The following PDZD2 variants were observed in gnomAD, a reference collection of about 807,000 sequenced individuals.
PDZD2 encodes PDZ domain containing 2, also known as PDZ domain-containing protein 2.
PDZD2 carries 90 observed loss-of-function variants against 220.7 expected under a neutral mutation model. That is an observed-to-expected ratio of 0.41 (90% CI 0.34 to 0.49). The LOEUF (loss-of-function observed/expected upper bound fraction) is 0.49. Ranked by LOEUF, PDZD2 falls within the 20% of genes least tolerant of loss-of-function variation. The pLI, the probability that PDZD2 is intolerant of heterozygous loss-of-function variation, is 0.28. For missense variants in PDZD2, 3,174 were observed against 3,608.5 expected, an observed-to-expected ratio of 0.88 and a Z score of 3.08; for synonymous variants, 1,375 against 1,450.5, an observed-to-expected ratio of 0.95 and a Z score of 1.18.
At chr5:31,708,417 G>A (rs1387347583) in intron 1 of PDZD2, among the ~76,000 whole-genome samples, 1 of 152,200 alleles carries the variant, frequency 6.6e-6, no homozygotes, top group African/African-American at 2.4e-5. Flanking sequence ...TTCTTTAGCT[G>A]TCTTCTGGGC....
chr5:31,829,569 G>A (rs924934477), intron 2 of PDZD2, among the ~76,000 whole-genome samples: 6 of 151,610 alleles, frequency 4.0e-5, no homozygotes, highest in African/African-American at 1.2e-4. Context: ...CACCCGCCTC[G>A]GCCTCCCAAA....
At chr5:32,035,352 C>T (rs1300663378) in intron 6 of PDZD2, among the ~76,000 whole-genome samples, 1 of 151,748 alleles carries the variant, frequency 6.6e-6, no homozygotes, top group Admixed American at 6.6e-5. Flanking sequence ...CCTGCGCCTC[C>T]CAGGTTCAAG....
Position 31,767,027 on chromosome 5 carries a change from CTTTTT to C in PDZD2, c.-360-31847_-360-31843del, listed in dbSNP as rs3032828. Among the ~76,000 whole-genome samples the C allele has an allele frequency of 8.0e-4, 75 of 94,296 alleles. 1 individual carries two copies. The highest frequency in any genetic ancestry group is 1.0e-3 in the Non-Finnish European group (53 of 52,340). The allele number at this position is 94,296 out of a possible 152,430, so 61.9% of individuals were successfully genotyped here. A position where few individuals can be genotyped will look rare whatever the true frequency, so the allele number is the denominator to read the frequency against. On this transcript the variant is annotated intron_variant, in intron 1 of 24. Coordinates refer to ENST00000438447, the MANE Select transcript of PDZD2 (RefSeq NM_178140.4). Reference sequence around the variant, plus strand: ...ACAGGTGTGAGCAACTGCACCCAGCCTTTTTTTTTTTTTTTTTTTGAGACAGAGTC... The same window carrying C: ...ACAGGTGTGAGCAACTGCACCCAGCCTTTTTTTTTTTTTTGAGACAGAGTC...
In PDZD2 at chr5:31,725,147, A is replaced by G. The variant is rs570034243; in HGVS notation, c.-360-73742A>G. Among the ~76,000 whole-genome samples the G allele has an allele frequency of 1.4e-4, 22 of 152,120 alleles. No individual in the cohort carries two copies. In the South Asian group the frequency reaches 1.7e-3, roughly 11 times the overall value. On this transcript the variant is annotated intron_variant, in intron 1 of 24. Coordinates refer to ENST00000438447, the MANE Select transcript of PDZD2 (RefSeq NM_178140.4). ...AGAGTTCGAGACCAGCCTGACCAAC[A>G]TGGAGAAACCCCATCTCTACTAAAA...
chr5:31,739,197 A>G (rs1350942147), intron 1 of PDZD2, among the ~76,000 whole-genome samples: 1 of 152,176 alleles, frequency 6.6e-6, no homozygotes, highest in Non-Finnish European at 1.5e-5. Context: ...AATATGCACA[A>G]TTTTAATGTA....
chr5:31,736,978 A>G (rs1239678217), intron 1 of PDZD2, among the ~76,000 whole-genome samples: 1 of 79,760 alleles, frequency 1.3e-5, no homozygotes, highest in East Asian at 8.0e-4. Context: ...GCCTCCCCAG[A>G]AGCAGATGCC....
At chr5:31,868,768 G>A (rs1310637348) in intron 2 of PDZD2, among the ~76,000 whole-genome samples, 2 of 152,080 alleles carry the variant, frequency 1.3e-5, no homozygotes, top group Non-Finnish European at 1.5e-5. Flanking sequence ...TGCGTTAAAG[G>A]TGAGTTTTTT....
chr5:32,091,888 G>A (rs1743189604), intron 20 of PDZD2, among the ~76,000 whole-genome samples: 1 of 152,154 alleles, frequency 6.6e-6, no homozygotes, highest in South Asian at 2.1e-4. Context: ...AACATGAGAG[G>A]GGCATGCAGA....
chr5:31,662,280 T>C (rs1199417961), intron 1 of PDZD2, among the ~76,000 whole-genome samples: 2 of 152,066 alleles, frequency 1.3e-5, no homozygotes, highest in African/African-American at 4.8e-5. Flanking sequence ...CATTGCACTC[T>C]AGCCTGGGCG....
chr5:32,101,575 C>T (rs1744261763), intron 24 of PDZD2, among the ~76,000 whole-genome samples: 1 of 152,208 alleles, frequency 6.6e-6, no homozygotes, highest in South Asian at 2.1e-4. Flanking sequence ...GTTCCTTACT[C>T]CGGGCCCCTC....
At chr5:31,757,105 A>C (rs115533750) in intron 1 of PDZD2, among the ~76,000 whole-genome samples, 1,913 of 152,130 alleles carry the variant, frequency 0.013, 37 homozygotes, top group African/African-American at 0.043. Flanking sequence ...GCAACATAGC[A>C]AGACCCTGTC....
In PDZD2 at chr5:32,000,299, G is replaced by A. The variant is rs1313302495; in HGVS notation, c.1254+28G>A. The A allele has an allele frequency of 7.4e-6, 12 of 1,612,964 alleles. No individual in the cohort carries two copies. The highest frequency in any genetic ancestry group is 6.7e-5 in the East Asian group (3 of 44,878). ...AGGTCGTGTTTGTTTTTTGGTACTC[G>A]TAATGGTGGCAGTGGTGAGTTGGGG... On this transcript the variant is annotated intron_variant, in intron 5 of 24. Transcript: ENST00000438447. The surrounding 1 kb of genome is among the most constrained non-coding windows in gnomAD (Gnocchi z 4.5).
chr5:31,757,970 T>C (rs1751399028), intron 1 of PDZD2, among the ~76,000 whole-genome samples: 2 of 152,246 alleles, frequency 1.3e-5, no homozygotes, highest in East Asian at 1.9e-4. Flanking sequence ...TTTATTGCAC[T>C]GTTAATTCCA....
At chr5:31,824,618 C>T (rs117492456) in intron 2 of PDZD2, among the ~76,000 whole-genome samples, 4 of 151,446 alleles carry the variant, frequency 2.6e-5, no homozygotes, top group African/African-American at 7.3e-5. Context: ...TGGGTGTTCA[C>T]GGCCGTGTGT....
chr5:31,711,214 C>T (rs1314158990), intron 1 of PDZD2, among the ~76,000 whole-genome samples: 1 of 152,180 alleles, frequency 6.6e-6, no homozygotes, highest in Non-Finnish European at 1.5e-5. Context: ...ACAAAACCAG[C>T]AAGGCTCATT....
intron 18 of PDZD2, 129 bp downstream of exon 18, chr5:32,074,772 C>A: frequency 1.6e-6 from 1 of 644,716 alleles, no homozygotes; most frequent in Non-Finnish European, 2.7e-6. Flanking sequence ...TATCTTTCAA[C>A]AGAGTCAGTC....
intron 2 of PDZD2, among the ~76,000 whole-genome samples, chr5:31,829,776 G>C (rs372445493): frequency 6.6e-6 from 1 of 152,040 alleles, no homozygotes; most frequent in African/African-American, 2.4e-5. Context: ...TCTATGGCTG[G>C]GTGTGGTGGC....
intron 5 of PDZD2, among the ~76,000 whole-genome samples, chr5:32,002,352 C>T (rs911744756): frequency 6.6e-6 from 1 of 152,012 alleles, no homozygotes; most frequent in Non-Finnish European, 1.5e-5. Context: ...TGGGGTGTCT[C>T]TTGAGTCCAT....
At chr5:32,009,048 A>G (rs931736512) in intron 5 of PDZD2, among the ~76,000 whole-genome samples, 5 of 152,020 alleles carry the variant, frequency 3.3e-5, no homozygotes, top group African/African-American at 1.2e-4. Context: ...AAGCAGCTCT[A>G]AAAGATACTG....
Sources: allele counts gnomAD v4.1 joint callset (sites outside exome capture counted in the v4.1 genomes callset), GRCh38; gene constraint gnomAD v4.1.1; non-coding constraint Gnocchi (gnomAD v3.1); transcripts MANE v1.5; gene names NCBI Gene and HGNC (gene_info 2026-07-23, HGNC 2026-07-21).